The following NLGN1 variants were observed in gnomAD, a reference collection of about 807,000 sequenced individuals.
The protein encoded by NLGN1 is neuroligin 1, also known as neuroligin-1.
A neutral mutation model predicts 65.5 loss-of-function variants in NLGN1; 12 were observed. That is an observed-to-expected ratio of 0.18 (90% CI 0.12 to 0.30). The LOEUF is 0.30. Among genes scored for constraint, NLGN1 ranks in the 10% least tolerant of loss-of-function variants. The pLI is 1.00. For missense variants in NLGN1, 750 were observed against 1,007.1 expected, an observed-to-expected ratio of 0.74 and a Z score of 3.46; for synonymous variants, 350 against 359.5, an observed-to-expected ratio of 0.97 and a Z score of 0.30.
At chr3:173,757,062 A>C (rs2150186820) in intron 3 of NLGN1, among the ~76,000 whole-genome samples, 1 of 152,132 alleles carries the variant, frequency 6.6e-6, no homozygotes, top group South Asian at 2.1e-4. Context: ...AATTATCTAG[A>C]GGTGATGAAA....
intron 3 of NLGN1, among the ~76,000 whole-genome samples, chr3:173,628,295 G>T (rs189565532): frequency 1.3e-5 from 2 of 152,182 alleles, no homozygotes; most frequent in Admixed American, 1.3e-4. Context: ...CTACTGGGTG[G>T]TGGGGGCTAA....
At chr3:173,808,797 C>T (rs942203583) in intron 4 of NLGN1, among the ~76,000 whole-genome samples, 1 of 152,104 alleles carries the variant, frequency 6.6e-6, no homozygotes, top group African/African-American at 2.4e-5. Flanking sequence ...CTCACTCTTT[C>T]ATTCTATTAT....
chr3:173,861,561 T>TAC (rs1310226245), intron 4 of NLGN1, among the ~76,000 whole-genome samples: 10 of 148,056 alleles, frequency 6.8e-5, no homozygotes, highest in African/African-American at 1.5e-4. Context: ...TGTGTGTATA[T>TAC]ACACACACAC....
chr3:173,860,993 AG>A, intron 4 of NLGN1, among the ~76,000 whole-genome samples: 1 of 152,304 alleles, frequency 6.6e-6, no homozygotes, highest in Non-Finnish European at 1.5e-5. Flanking sequence ...TGGACAAACA[AG>A]AAATCTTTTA....
At chr3:173,475,596 A>G (rs771818292) in intron 2 of NLGN1, among the ~76,000 whole-genome samples, 7 of 152,280 alleles carry the variant, frequency 4.6e-5, no homozygotes, top group Admixed American at 1.3e-4. Flanking sequence ...CAAATACTTC[A>G]TCTTGTCTGC....
intron 5 of NLGN1, among the ~76,000 whole-genome samples, chr3:174,276,569 G>C (rs1440225604): frequency 1.3e-5 from 2 of 151,968 alleles, no homozygotes; most frequent in Non-Finnish European, 2.9e-5. Context: ...TGAGTTTTGT[G>C]ATAGGAGCAC....
At chr3:173,444,801 A>C (rs1474970139) in intron 2 of NLGN1, among the ~76,000 whole-genome samples, 2 of 151,938 alleles carry the variant, frequency 1.3e-5, no homozygotes, top group Non-Finnish European at 2.9e-5. Flanking sequence ...TATAAATATA[A>C]ATGTGGATAG....
chr3:173,473,970 C>A (rs1725754263), intron 2 of NLGN1, among the ~76,000 whole-genome samples: 1 of 152,100 alleles, frequency 6.6e-6, no homozygotes, highest in Non-Finnish European at 1.5e-5. Flanking sequence ...TAAATTTCTT[C>A]TAGTAGCAAT....
chr3:173,455,592 G>C (rs773863777), intron 2 of NLGN1, among the ~76,000 whole-genome samples: 16 of 152,194 alleles, frequency 1.1e-4, no homozygotes, highest in Non-Finnish European at 2.2e-4. Flanking sequence ...TGGAAAAATG[G>C]TGCTGATAGA....
intron 2 of NLGN1, among the ~76,000 whole-genome samples, chr3:173,594,469 AC>A (rs980323063): frequency 3.2e-4 from 49 of 152,216 alleles, no homozygotes; most frequent in African/African-American, 1.2e-3. Context: ...GGGCAGCTCT[AC>A]CCCTGTGGCT....
At chr3:173,562,742 G>T (rs867506738) in intron 2 of NLGN1, among the ~76,000 whole-genome samples, 15 of 152,188 alleles carry the variant, frequency 9.9e-5, no homozygotes, top group Admixed American at 2.0e-4. Flanking sequence ...CTGATCTGAA[G>T]TTCAATTACT....
At chr3:174,239,825 G>A (rs1742457230) in intron 4 of NLGN1, among the ~76,000 whole-genome samples, 2 of 152,120 alleles carry the variant, frequency 1.3e-5, no homozygotes, top group East Asian at 1.9e-4. Context: ...TTGACCAACT[G>A]CAGGGATGGA....
intron 2 of NLGN1, among the ~76,000 whole-genome samples, chr3:173,520,791 GA>G (rs1734626622): frequency 6.6e-6 from 1 of 152,180 alleles, no homozygotes; most frequent in Admixed American, 6.5e-5. Flanking sequence ...GATAGTAAAA[GA>G]AGAGCCAATT....
intron 4 of NLGN1, among the ~76,000 whole-genome samples, chr3:174,170,915 A>G (rs934478469): frequency 1.3e-5 from 2 of 152,208 alleles, no homozygotes; most frequent in South Asian, 2.1e-4. Context: ...TAACAGAATT[A>G]TCGCTGAACT....
intron 3 of NLGN1, among the ~76,000 whole-genome samples, chr3:173,747,192 A>G (rs116608959): frequency 0.054 from 7,467 of 137,260 alleles, 253 homozygotes; most frequent in East Asian, 0.09. Flanking sequence ...AAAACAATAT[A>G]TATATAATAT....
At chr3:173,931,860 G>A (rs557565039) in intron 4 of NLGN1, among the ~76,000 whole-genome samples, 6 of 152,248 alleles carry the variant, frequency 3.9e-5, no homozygotes, top group African/African-American at 1.2e-4. Context: ...AGGGGTAGTA[G>A]CATTAAGAGT....
intron 4 of NLGN1, among the ~76,000 whole-genome samples, chr3:173,893,005 C>A (rs537277051): frequency 1.3e-5 from 2 of 152,160 alleles, no homozygotes; most frequent in African/African-American, 4.8e-5. Flanking sequence ...TCTTGTATAC[C>A]TGCTAATTAC....
intron 4 of NLGN1, among the ~76,000 whole-genome samples, chr3:174,227,889 CTAAT>C (rs1338805194): frequency 6.6e-6 from 1 of 151,980 alleles, no homozygotes; most frequent in Non-Finnish European, 1.5e-5. Context: ...GATAATTTGA[CTAAT>C]TGCCTTTAAA....
chr3:174,277,525 A>G (rs1750810123), intron 5 of NLGN1, among the ~76,000 whole-genome samples: 1 of 151,866 alleles, frequency 6.6e-6, no homozygotes, highest in Non-Finnish European at 1.5e-5. Flanking sequence ...TTAGTTACAC[A>G]ATTTTTATTT....
Sources: gnomAD v4.1 joint callset for allele counts (sites outside exome capture counted in the v4.1 genomes callset) on GRCh38, gnomAD v4.1.1 for gene constraint, MANE v1.5 for transcripts, NCBI Gene and HGNC (gene_info 2026-07-23, HGNC 2026-07-21) for gene names.